SOCS5: variants seen among roughly 807,000 people sequenced by gnomAD.
SOCS5 encodes CIS-6.
In SOCS5, 32 loss-of-function variants were observed where a neutral mutation model predicts 42.8. That is an observed-to-expected ratio of 0.75 (90% CI 0.56 to 1.01). The LOEUF is 1.01. Ranked by LOEUF, SOCS5 falls within the 50% of genes least tolerant of loss-of-function variation. The probability of loss-of-function intolerance (pLI) is 0.00; values close to 1 mark genes in which losing one functional copy is unlikely to be tolerated. For synonymous variants in SOCS5, 283 were observed against 229.6 expected (o/e 1.23, Z -2.10); for missense variants, 627 against 653.0 (o/e 0.96, Z 0.43).
intron 1 of SOCS5, among the ~76,000 whole-genome samples, chr2:46,712,159 AAATT>A (rs1672635870): frequency 6.6e-6 from 1 of 152,160 alleles, no homozygotes. Flanking sequence ...GAATTGGAGA[AAATT>A]AACATCTTAA....
At chr2:46,720,972 C>T (rs2103712061) in intron 1 of SOCS5, among the ~76,000 whole-genome samples, 1 of 152,294 alleles carries the variant, frequency 6.6e-6, no homozygotes, top group East Asian at 1.9e-4. Flanking sequence ...TGAGTCCGTT[C>T]TGCTCCTGCC....
At chr2:46,745,179 T>C (rs1424776850) in intron 1 of SOCS5, among the ~76,000 whole-genome samples, 2 of 152,144 alleles carry the variant, frequency 1.3e-5, no homozygotes, top group African/African-American at 4.8e-5. Flanking sequence ...TATCAAAGAA[T>C]ATTGAGAATT....
chr2:46,700,326 T>G (rs541128580), intron 1 of SOCS5, among the ~76,000 whole-genome samples: 1 of 152,346 alleles, frequency 6.6e-6, no homozygotes, highest in Non-Finnish European at 1.5e-5. Context: ...TATGTGTATG[T>G]TTGATGGTAT....
At chr2:46,720,110 A>G (rs372827275) in intron 1 of SOCS5, among the ~76,000 whole-genome samples, 36 of 152,316 alleles carry the variant, frequency 2.4e-4, no homozygotes, top group African/African-American at 8.7e-4. Context: ...CTGAGTCTCA[A>G]TGTTCTCATC....
chr2:46,745,793 A>T (rs1673482924), intron 1 of SOCS5, among the ~76,000 whole-genome samples: 1 of 152,172 alleles, frequency 6.6e-6, no homozygotes, highest in African/African-American at 2.4e-5. Context: ...TTTGAAATTT[A>T]ATTTTTTCCT....
At chr2:46,734,695 G>T (rs1008724753) in intron 1 of SOCS5, among the ~76,000 whole-genome samples, 7 of 151,088 alleles carry the variant, frequency 4.6e-5, no homozygotes, top group African/African-American at 1.2e-4. Flanking sequence ...CTGAACCCCT[G>T]TCCTCATCAT....
intron 1 of SOCS5, among the ~76,000 whole-genome samples, chr2:46,746,423 G>A (rs1673496902): frequency 6.6e-6 from 1 of 152,106 alleles, no homozygotes; most frequent in African/African-American, 2.4e-5. Flanking sequence ...AGGCCGAGGT[G>A]GGTGGATTAC....
intron 1 of SOCS5, among the ~76,000 whole-genome samples, chr2:46,752,278 G>GA (rs1673640084): frequency 1.3e-5 from 2 of 151,942 alleles, no homozygotes; most frequent in Non-Finnish European, 2.9e-5. Flanking sequence ...GCGCACAGGG[G>GA]ATCTAGGTTG....
chr2:46,752,238 T>G (rs935602022), intron 1 of SOCS5, among the ~76,000 whole-genome samples: 7 of 151,950 alleles, frequency 4.6e-5, no homozygotes, highest in African/African-American at 1.7e-4. Context: ...CAGCATTAGA[T>G]GCTCATAGGA....
Position 46,762,348 on chromosome 2 carries a change from T to G in SOCS5, c.*2207T>G. The G allele has an allele frequency of 6.0e-6, 1 of 166,858 alleles. No homozygotes were observed. 10.3% of individuals were successfully genotyped at this position (166,858 alleles called of 1,614,324 possible). ...GATTATTGGAAAAGGACTATATATGTGAGCAAGATTGTGTTTTAGAGAGGA... is the reference window on the plus strand; with the variant it reads ...GATTATTGGAAAAGGACTATATATGGGAGCAAGATTGTGTTTTAGAGAGGA... On this transcript the variant is annotated 3_prime_UTR_variant, in exon 2 of 2. Transcript: ENST00000394861.
At chr2:46,746,187 AG>A (rs1366503207) in intron 1 of SOCS5, among the ~76,000 whole-genome samples, 10 of 152,084 alleles carry the variant, frequency 6.6e-5, no homozygotes, top group Non-Finnish European at 1.2e-4. Flanking sequence ...TGAACCTGTT[AG>A]GGGGCAGTGG....
Position 46,751,482 on chromosome 2 carries a change from T to C in SOCS5, c.-12-7037T>C, listed in dbSNP as rs931413471. The stretch of plus-strand genomic sequence containing the variant: ...TTTTTTTTATTATAAGAGAAGATTA[T>C]GTACAGGTTTTGCATAAAAGAAAAC... On this transcript the variant is annotated intron_variant, in intron 1 of 1. Transcript: ENST00000394861. Among the ~76,000 whole-genome samples, 18 of 152,086 alleles carry C rather than the reference T, an allele frequency of 1.2e-4. 1 individual carries two copies. Among genetic ancestry groups the C allele is most frequent in the African/African-American group, 3.4e-4 (14 of 41,394 alleles).
intron 1 of SOCS5, among the ~76,000 whole-genome samples, chr2:46,712,578 G>C (rs190337840): frequency 6.6e-6 from 1 of 152,024 alleles, no homozygotes; most frequent in Non-Finnish European, 1.5e-5. Context: ...TCCTGACCTC[G>C]TGATCCGCCT....
At chr2:46,710,142 A>G (rs1236174340) in intron 1 of SOCS5, among the ~76,000 whole-genome samples, 1 of 150,284 alleles carries the variant, frequency 6.7e-6, no homozygotes, top group Non-Finnish European at 1.5e-5. Context: ...GTTTTCCTTT[A>G]TTTTATTTAT....
chr2:46,761,819 G>C lies in SOCS5; in HGVS notation c.*1678G>C, dbSNP rs775081189. ...TTATATATACTGTGGAACAGTATCT[G>C]TAGTTACTGCAAATTACTGTACAGT... On this transcript the variant is annotated 3_prime_UTR_variant, in exon 2 of 2. Transcript: ENST00000394861. 19 of 166,626 alleles carry C rather than the reference G, an allele frequency of 1.1e-4. No individual in the cohort carries two copies. The highest frequency in any genetic ancestry group is 2.2e-4 in the Non-Finnish European group (15 of 68,074). The allele number at this position is 166,626 out of a possible 1,614,324, so 10.3% of individuals were successfully genotyped here.
At chr2:46,703,038 G>A (rs1234096474) in intron 1 of SOCS5, among the ~76,000 whole-genome samples, 3 of 152,072 alleles carry the variant, frequency 2.0e-5, no homozygotes, top group African/African-American at 7.2e-5. Context: ...TCATGCAAGA[G>A]CTCTATTTTA....
intron 1 of SOCS5, among the ~76,000 whole-genome samples, chr2:46,745,200 C>G (rs1004775446): frequency 6.6e-6 from 1 of 152,116 alleles, no homozygotes; most frequent in African/African-American, 2.4e-5. Context: ...CTGCTTTAAA[C>G]TACCAGTTCA....
chr2:46,735,531 C>T (rs141361142), intron 1 of SOCS5, among the ~76,000 whole-genome samples: 2 of 152,154 alleles, frequency 1.3e-5, no homozygotes, highest in East Asian at 3.9e-4. Flanking sequence ...TTTGTGTTCC[C>T]AGAGCACTCT....
intron 1 of SOCS5, among the ~76,000 whole-genome samples, chr2:46,707,195 A>C (rs773908176): frequency 6.6e-6 from 1 of 152,232 alleles, no homozygotes; most frequent in Non-Finnish European, 1.5e-5. Flanking sequence ...TGTGCCTGTC[A>C]GTCAAAAGGT....
Sources: gnomAD v4.1 joint callset for allele counts (sites outside exome capture counted in the v4.1 genomes callset) on GRCh38, gnomAD v4.1.1 for gene constraint, MANE v1.5 for transcripts, NCBI Gene and HGNC (gene_info 2026-07-23, HGNC 2026-07-21) for gene names.